Variants in GIGYF2 observed in about 807,000 individuals in gnomAD.
GIGYF2 encodes GRB10 interacting GYF protein 2.
A neutral mutation model predicts 208.1 loss-of-function variants in GIGYF2; 25 were observed. The observed-to-expected ratio is 0.12, with a 90% CI of 0.09 to 0.17. GIGYF2 has a LOEUF of 0.17. GIGYF2 is among the 10% of genes least tolerant of loss of function. The pLI is 1.00. For missense variants in GIGYF2, 1,302 were observed against 1,579.4 expected (o/e 0.82, Z 2.98); for synonymous variants, 534 against 543.8 (o/e 0.98, Z 0.25).
intron 14 of GIGYF2, among the ~76,000 whole-genome samples, chr2:232,805,443 ATCTG>A (rs76089202): frequency 0.039 from 5,961 of 152,178 alleles, 180 homozygotes; most frequent in Middle Eastern, 0.083. Context: ...TCTTTATTAC[ATCTG>A]TCTGTCTCTG....
rs1295867270 is a variant in GIGYF2, at chr2:232,726,368, C to CAAA, written c.-43-8769_-43-8767dup. Among the ~76,000 whole-genome samples, 868 of 89,116 alleles carry CAAA rather than the reference C, an allele frequency of 9.7e-3. 13 individuals are homozygous for CAAA. The highest frequency in any genetic ancestry group is 0.033 in the African/African-American group (805 of 24,290). 58.5% of individuals were successfully genotyped at this position (89,116 alleles called of 152,430 possible). ...CCAGTGACAGAGCAAGGCTCTGTCT[C>CAAA]AAAAAAAAAAAAAAAAAAAATCATA... On this transcript the variant is annotated intron_variant, in intron 2 of 28. Coordinates refer to ENST00000373563, the MANE Select transcript of GIGYF2 (RefSeq NM_001103146.3).
intron 2 of GIGYF2, among the ~76,000 whole-genome samples, chr2:232,716,294 T>C: frequency 6.6e-6 from 1 of 152,182 alleles, no homozygotes; most frequent in Non-Finnish European, 1.5e-5. Context: ...TGAGTCTTGC[T>C]TCATTTGAAT....
At chr2:232,772,069 C>T (rs1699283499) in intron 8 of GIGYF2, among the ~76,000 whole-genome samples, 1 of 152,160 alleles carries the variant, frequency 6.6e-6, no homozygotes, top group Non-Finnish European at 1.5e-5. Context: ...ACTGCAACCT[C>T]AGCAAATTTT....
intron 18 of GIGYF2, among the ~76,000 whole-genome samples, chr2:232,814,087 C>T (rs1406614168): frequency 3.3e-5 from 5 of 151,670 alleles, no homozygotes; most frequent in Admixed American, 6.6e-5. Context: ...GGTTTCACCA[C>T]GTTGGCCAGG....
intron 8 of GIGYF2, among the ~76,000 whole-genome samples, chr2:232,769,573 T>G (rs1699144178): frequency 6.6e-6 from 1 of 151,954 alleles, no homozygotes; most frequent in African/African-American, 2.4e-5. Context: ...ATTTTTAAAC[T>G]TTGAAACTCA....
rs973153230 is a variant in GIGYF2 at position 232,858,287 on chromosome 2, C to G, written c.*1427C>G. On this transcript the variant is annotated 3_prime_UTR_variant, in exon 29 of 29. Transcript: ENST00000373563. ...TTGCCTGAAGAAGGCTGGAGTTGCT[C>G]TGAGAGCAGTTTGGGTTTGGAGTAT... 9 of 354,770 alleles carry G rather than the reference C, an allele frequency of 2.5e-5. No homozygotes were observed. Among genetic ancestry groups the G allele is most frequent in the Non-Finnish European group, 3.8e-5 (7 of 184,092 alleles). 22.0% of individuals were successfully genotyped at this position (354,770 alleles called of 1,614,324 possible).
At chr2:232,761,960 T>G (rs1202636521) in intron 8 of GIGYF2, among the ~76,000 whole-genome samples, 1 of 151,634 alleles carries the variant, frequency 6.6e-6, no homozygotes, top group Non-Finnish European at 1.5e-5. Flanking sequence ...TTCCATTGTT[T>G]ATGATGAATT....
intron 1 of GIGYF2, among the ~76,000 whole-genome samples, chr2:232,702,837 C>T (rs1695917833): frequency 6.6e-6 from 1 of 152,188 alleles, no homozygotes; most frequent in South Asian, 2.1e-4. Context: ...CTCTGTCACC[C>T]AGGCTGGAGT....
chr2:232,742,410 G>A (rs573629198), intron 3 of GIGYF2, among the ~76,000 whole-genome samples: 64 of 152,248 alleles, frequency 4.2e-4, no homozygotes, highest in Middle Eastern at 6.8e-3. Context: ...GTGTGGTGGC[G>A]TGTGCCTGTA....
In GIGYF2 at chr2:232,713,320, G is replaced by T. The variant is rs534434308; in HGVS notation, c.-44+9831G>T. Among the ~76,000 whole-genome samples, 783 of 152,164 alleles carry T rather than the reference G, an allele frequency of 5.1e-3. 5 individuals carry two copies. The highest frequency in any genetic ancestry group is 0.018 in the African/African-American group (758 of 41,520). ...CTTGAACTCCTGACCTCAAGTGATC[G>T]GCTGACTTTGGCCTCCCAAAGTGCT... On this transcript the variant is annotated intron_variant, in intron 2 of 28. Coordinates refer to ENST00000373563, the MANE Select transcript of GIGYF2 (RefSeq NM_001103146.3).
intron 8 of GIGYF2, 146 bp from the exon 9 acceptor site, chr2:232,787,004 A>T: frequency 3.0e-6 from 2 of 670,832 alleles, no homozygotes; most frequent in South Asian, 3.3e-5. Flanking sequence ...TAATATATAC[A>T]TATACCCACT....
At chr2:232,754,831 ATCTTAAG>A (rs1200221953) in intron 5 of GIGYF2, among the ~76,000 whole-genome samples, 1 of 152,026 alleles carries the variant, frequency 6.6e-6, no homozygotes, top group Non-Finnish European at 1.5e-5. Context: ...TGTCAAATAT[ATCTTAAG>A]TCTTTAGTTT....
At chr2:232,797,223 C>G (rs1700249658) in intron 14 of GIGYF2, among the ~76,000 whole-genome samples, 1 of 152,088 alleles carries the variant, frequency 6.6e-6, no homozygotes, top group South Asian at 2.1e-4. Flanking sequence ...AGAATGCTAT[C>G]TATAAAGGAT....
At chr2:232,853,563 G>A (rs770377801) in intron 28 of GIGYF2, among the ~76,000 whole-genome samples, 44 of 152,210 alleles carry the variant, frequency 2.9e-4, no homozygotes, top group Non-Finnish European at 5.0e-4. Flanking sequence ...GTGAGCCACC[G>A]TGCCCGGCTG....
intron 2 of GIGYF2, among the ~76,000 whole-genome samples, chr2:232,720,583 A>ATTTTTT (rs1553605416): frequency 0.078 from 11,250 of 144,684 alleles, 514 homozygotes; most frequent in South Asian, 0.11. Flanking sequence ...ATATATATAT[A>ATTTTTT]TTTTTGTTTG....
chr2:232,730,847 G>A (rs1265638564), intron 2 of GIGYF2, among the ~76,000 whole-genome samples: 3 of 115,100 alleles, frequency 2.6e-5, no homozygotes, highest in East Asian at 2.7e-4. Context: ...GCAGTGAGCC[G>A]AGATCCCGCC....
chr2:232,829,342 G>T (rs892592538), intron 21 of GIGYF2, among the ~76,000 whole-genome samples: 2 of 152,048 alleles, frequency 1.3e-5, no homozygotes, highest in African/African-American at 4.8e-5. Flanking sequence ...TGTTTGCACG[G>T]TATATATTTT....
At chr2:232,731,644 C>T (rs972681844) in intron 2 of GIGYF2, among the ~76,000 whole-genome samples, 1 of 152,196 alleles carries the variant, frequency 6.6e-6, no homozygotes, top group Non-Finnish European at 1.5e-5. Context: ...AGTCATAAGA[C>T]TGTTGTGTAA....
chr2:232,735,894 C>CAAT, intron 3 of GIGYF2: 1 of 981,868 alleles, frequency 1.0e-6, no homozygotes. Flanking sequence ...TCAGTGGCAT[C>CAAT]AATAATAATA....
Sources: allele counts gnomAD v4.1 joint callset (sites outside exome capture counted in the v4.1 genomes callset), GRCh38; gene constraint gnomAD v4.1.1; transcripts MANE v1.5; gene names NCBI Gene and HGNC (gene_info 2026-07-23, HGNC 2026-07-21).